The following PPP2R2B variants were observed in gnomAD, a reference collection of about 807,000 sequenced individuals.
PPP2R2B encodes serine/threonine-protein phosphatase 2A 55 kDa regulatory subunit B beta isoform.
PPP2R2B carries 5 observed loss-of-function variants against 46.0 expected under a neutral mutation model. That is an observed-to-expected ratio of 0.11 (90% confidence interval 0.06 to 0.23). PPP2R2B has a LOEUF of 0.23. PPP2R2B is among the 10% of genes least tolerant of loss of function. The pLI is 1.00. For synonymous variants in PPP2R2B, 215 were observed against 206.7 expected, an observed-to-expected ratio of 1.04 and a Z score of -0.34; for missense variants, 367 against 575.0, an observed-to-expected ratio of 0.64 and a Z score of 3.70.
intron 2 of PPP2R2B, among the ~76,000 whole-genome samples, chr5:146,842,933 A>C (rs746979754): frequency 6.6e-6 from 1 of 152,242 alleles, no homozygotes; most frequent in Non-Finnish European, 1.5e-5. Context: ...TCACGCCTGT[A>C]ATCCCAGAAC....
intron 4 of PPP2R2B, among the ~76,000 whole-genome samples, chr5:146,695,896 A>G (rs1779147666): frequency 6.6e-6 from 1 of 152,236 alleles, no homozygotes; most frequent in South Asian, 2.1e-4. Flanking sequence ...AGAAAATTAC[A>G]TAAGAACATG....
intron 1 of PPP2R2B, among the ~76,000 whole-genome samples, chr5:146,975,164 T>C (rs1250258738): frequency 6.6e-6 from 1 of 152,234 alleles, no homozygotes; most frequent in Admixed American, 6.5e-5. Context: ...CAACTCTCCA[T>C]TGCACCGACC....
At position 146,878,236 on chromosome 5, in the gene PPP2R2B, A is replaced by AC; in HGVS notation, c.-124-42dup. On this transcript the variant is annotated intron_variant, in intron 1 of 9. Transcript: ENST00000394411. The surrounding 1 kb of genome is among the most constrained non-coding windows in gnomAD (Gnocchi z 4.5). ...GGAGGCGGAGAGAAAAAAAATAAAA[A>AC]CCCGGCAATGGAGCTGTCACCTCCT... 1 of 1,522,772 alleles carries AC rather than the reference A, an allele frequency of 6.6e-7. No individual in the cohort carries two copies. Among genetic ancestry groups the AC allele is most frequent in the Non-Finnish European group, 8.8e-7 (1 of 1,136,258 alleles). 94.3% of individuals were successfully genotyped at this position (1,522,772 alleles called of 1,614,324 possible). A position where few individuals can be genotyped will look rare whatever the true frequency, so the allele number is the denominator to read the frequency against.
chr5:147,030,034 A>C (rs1293995623), intron 1 of PPP2R2B, among the ~76,000 whole-genome samples: 1 of 152,220 alleles, frequency 6.6e-6, no homozygotes, highest in Non-Finnish European at 1.5e-5. Context: ...TTTCCACAAA[A>C]ACAATCCTGA....
rs1453255456 is a variant in PPP2R2B at position 146,583,853 on chromosome 5, G to A, written c.*6094C>T. 6.6e-6 allele frequency: 1 copy of A among 152,154 alleles called. No individual in the cohort carries two copies. The highest frequency in any genetic ancestry group is 2.4e-5 in the African/African-American group (1 of 41,434). 9.4% of individuals were successfully genotyped at this position (152,154 alleles called of 1,614,324 possible). A position where few individuals can be genotyped will look rare whatever the true frequency, so the allele number is the denominator to read the frequency against. The stretch of plus-strand genomic sequence containing the variant: ...GACTCCCACAAGTATGTATTACTCT[G>A]GCTGGAAGGGAGGGCATCCCTAGCC... On this transcript the variant is annotated 3_prime_UTR_variant, in exon 10 of 10. Coordinates refer to ENST00000394411, the MANE Select transcript of PPP2R2B (RefSeq NM_181675.4).
intron 2 of PPP2R2B, among the ~76,000 whole-genome samples, chr5:146,792,505 G>C (rs1475237898): frequency 6.6e-6 from 1 of 152,164 alleles, no homozygotes; most frequent in Non-Finnish European, 1.5e-5. Context: ...GGTGGAGGGA[G>C]ATATGTAACA....
chr5:146,924,678 T>C (rs550598627), intron 1 of PPP2R2B, among the ~76,000 whole-genome samples: 11 of 152,284 alleles, frequency 7.2e-5, no homozygotes, highest in Middle Eastern at 6.8e-3. Flanking sequence ...ATCCTGAAAT[T>C]TGAAATACTT....
At chr5:146,883,602 T>C (rs1582354544), upstream of PPP2R2B, among the ~76,000 whole-genome samples, 1 of 152,222 alleles carries the variant, frequency 6.6e-6, no homozygotes, top group Non-Finnish European at 1.5e-5. Flanking sequence ...TAGTCACATT[T>C]CTCTATTGTG....
intron 1 of PPP2R2B, among the ~76,000 whole-genome samples, chr5:146,888,329 C>T (rs1338106133): frequency 6.6e-6 from 1 of 152,154 alleles, no homozygotes; most frequent in Non-Finnish European, 1.5e-5. Flanking sequence ...GCCCCACCCT[C>T]CTGTTCCTTC....
intron 5 of PPP2R2B, among the ~76,000 whole-genome samples, chr5:146,653,588 A>G (rs1036108575): frequency 6.6e-6 from 1 of 152,122 alleles, no homozygotes; most frequent in Non-Finnish European, 1.5e-5. Flanking sequence ...GGCTCCTCCT[A>G]AACTCTTCCC....
At chr5:146,629,341 T>C (rs1181346925) in intron 7 of PPP2R2B, among the ~76,000 whole-genome samples, 1 of 152,194 alleles carries the variant, frequency 6.6e-6, no homozygotes, top group Admixed American at 6.5e-5. Context: ...CGAGTTATCT[T>C]AGATTCTCCC....
At chr5:146,888,446 C>CT (rs1330423293) in intron 1 of PPP2R2B, among the ~76,000 whole-genome samples, 1 of 152,178 alleles carries the variant, frequency 6.6e-6, no homozygotes, top group Non-Finnish European at 1.5e-5. Flanking sequence ...CATGCTCCAA[C>CT]TATCATCCTA....
intron 1 of PPP2R2B, among the ~76,000 whole-genome samples, chr5:146,915,160 C>A (rs1763336410): frequency 6.6e-6 from 1 of 152,124 alleles, no homozygotes; most frequent in African/African-American, 2.4e-5. Flanking sequence ...TTGGTAACAG[C>A]CTCCTCACTG....
At chr5:146,941,900 C>G (rs541206707) in intron 1 of PPP2R2B, among the ~76,000 whole-genome samples, 1 of 152,136 alleles carries the variant, frequency 6.6e-6, no homozygotes, top group Non-Finnish European at 1.5e-5. Flanking sequence ...TTGGCAGGGG[C>G]AACCACCCTC....
chr5:146,926,974 G>A (rs1206419345), intron 1 of PPP2R2B, among the ~76,000 whole-genome samples: 1 of 152,086 alleles, frequency 6.6e-6, no homozygotes, highest in Non-Finnish European at 1.5e-5. Context: ...TGTCTGCACT[G>A]CCCAGCTCTT....
chr5:146,915,964 A>C (rs1361459483), intron 1 of PPP2R2B, among the ~76,000 whole-genome samples: 1 of 152,216 alleles, frequency 6.6e-6, no homozygotes, highest in Non-Finnish European at 1.5e-5. Flanking sequence ...GTGATGGAAA[A>C]GTCATGTTTT....
At chr5:146,601,031 T>C (rs922663922) in intron 7 of PPP2R2B, among the ~76,000 whole-genome samples, 3 of 152,172 alleles carry the variant, frequency 2.0e-5, no homozygotes, top group Non-Finnish European at 4.4e-5. Flanking sequence ...ATAAATAGAA[T>C]CATAGAATAT....
intron 5 of PPP2R2B, 132 bp downstream of exon 5, chr5:146,690,996 G>C: frequency 1.5e-6 from 1 of 668,986 alleles, no homozygotes; most frequent in South Asian, 1.9e-5. Context: ...GAGAGACTGG[G>C]GTAGGCTGAG....
At chr5:146,799,177 G>A (rs975180559) in intron 2 of PPP2R2B, among the ~76,000 whole-genome samples, 1 of 152,168 alleles carries the variant, frequency 6.6e-6, no homozygotes, top group Admixed American at 6.5e-5. Flanking sequence ...GGTTCTTAGA[G>A]CAAATCTTGT....
Sources: allele counts gnomAD v4.1 joint callset (sites outside exome capture counted in the v4.1 genomes callset), GRCh38; gene constraint gnomAD v4.1.1; non-coding constraint Gnocchi (gnomAD v3.1); transcripts MANE v1.5; gene names NCBI Gene and HGNC (gene_info 2026-07-23, HGNC 2026-07-21).